Variants in SCFD2 observed in about 807,000 individuals in gnomAD.
SCFD2 encodes the protein sec1 family domain-containing protein 2.
Under a neutral mutation model 58.9 loss-of-function variants are expected in SCFD2, and 54 were observed. The observed-to-expected ratio is 0.92, with a 90% CI of 0.74 to 1.15. SCFD2 has a LOEUF of 1.15. Among genes scored for constraint, SCFD2 ranks in the 50% most tolerant of loss-of-function variants. The probability of loss-of-function intolerance (pLI) is 0.00; values close to 1 mark genes in which losing one functional copy is unlikely to be tolerated. For missense variants in SCFD2, 805 were observed against 836.6 expected (o/e 0.96, Z 0.47); for synonymous variants, 321 against 335.9 (o/e 0.96, Z 0.49).
intron 4 of SCFD2, chr4:53,265,316 G>A (rs1463055223): frequency 6.6e-6 from 1 of 151,968 alleles, no homozygotes; most frequent in Non-Finnish European, 1.5e-5. Flanking sequence ...ATCCAATGAG[G>A]ATTATGTTTA....
chr4:52,987,268 G>A (rs571514788), intron 5 of SCFD2, among the ~76,000 whole-genome samples: 10 of 152,196 alleles, frequency 6.6e-5, no homozygotes, highest in South Asian at 2.1e-4. Flanking sequence ...CGCCCGCCTC[G>A]GCCTCCCAAA....
At chr4:52,958,826 G>A (rs991095717) in intron 5 of SCFD2, among the ~76,000 whole-genome samples, 9 of 151,954 alleles carry the variant, frequency 5.9e-5, no homozygotes, top group Admixed American at 1.3e-4. Context: ...AGGTAAATAC[G>A]TTTCAAACAT....
intron 4 of SCFD2, among the ~76,000 whole-genome samples, chr4:53,248,596 C>G (rs1465701491): frequency 2.0e-5 from 3 of 152,222 alleles, no homozygotes; most frequent in Non-Finnish European, 4.4e-5. Flanking sequence ...AGACTGCCTC[C>G]TCAAGTGGGT....
intron 4 of SCFD2, among the ~76,000 whole-genome samples, chr4:53,272,358 C>A (rs1423325324): frequency 6.6e-6 from 1 of 152,086 alleles, no homozygotes; most frequent in East Asian, 1.9e-4. Flanking sequence ...TGGGTATATA[C>A]CCAAAGGATT....
chr4:53,037,796 A>T (rs1356030126), intron 5 of SCFD2, among the ~76,000 whole-genome samples: 1 of 152,140 alleles, frequency 6.6e-6, no homozygotes, highest in Non-Finnish European at 1.5e-5. Context: ...AAAATGTCTA[A>T]TCTCTTTAAA....
chr4:53,297,657 T>G (rs1393844009), intron 3 of SCFD2, among the ~76,000 whole-genome samples: 1 of 152,196 alleles, frequency 6.6e-6, no homozygotes, highest in Non-Finnish European at 1.5e-5. Flanking sequence ...CATTTACATT[T>G]AAGTTTAATA....
At chr4:53,007,539 T>C (rs1320949261) in intron 5 of SCFD2, among the ~76,000 whole-genome samples, 1 of 152,146 alleles carries the variant, frequency 6.6e-6, no homozygotes, top group Non-Finnish European at 1.5e-5. Flanking sequence ...GGAGCTAGAC[T>C]GTCTAGGTTC....
At chr4:53,000,374 C>T (rs924096578) in intron 5 of SCFD2, among the ~76,000 whole-genome samples, 3 of 152,170 alleles carry the variant, frequency 2.0e-5, no homozygotes, top group African/African-American at 7.2e-5. Context: ...AAACTAGATA[C>T]TACAAAATTC....
chr4:53,351,879 A>C (rs1164559464), intron 2 of SCFD2, among the ~76,000 whole-genome samples: 1 of 152,220 alleles, frequency 6.6e-6, no homozygotes, highest in African/African-American at 2.4e-5. Context: ...AAGATTTAAA[A>C]CTATAATACT....
chr4:53,348,054 G>A lies in SCFD2; in HGVS notation c.1007+4544C>T, dbSNP rs1307921882. Among the ~76,000 whole-genome samples the A allele has an allele frequency of 2.6e-5, 4 of 152,324 alleles. No individual in the cohort carries two copies. The East Asian group carries it at 7.7e-4, about 29-fold the overall frequency. On this transcript the variant is annotated intron_variant, in intron 2 of 8. Transcript: ENST00000401642. ...AAAACATAAAAGCAGAAAAGATTCTGCCTACTTCTTGTTGAAATACTCCAC... is the reference window on the plus strand; with the variant it reads ...AAAACATAAAAGCAGAAAAGATTCTACCTACTTCTTGTTGAAATACTCCAC...
At chr4:53,222,303 T>C (rs1367141829) in intron 4 of SCFD2, among the ~76,000 whole-genome samples, 1 of 152,232 alleles carries the variant, frequency 6.6e-6, no homozygotes. Context: ...ACCATCATAG[T>C]ATTTAACCTG....
At chr4:53,229,159 T>C (rs1729336928) in intron 4 of SCFD2, among the ~76,000 whole-genome samples, 1 of 152,190 alleles carries the variant, frequency 6.6e-6, no homozygotes, top group South Asian at 2.1e-4. Context: ...TGCTCATGGC[T>C]AGGAAGAATC....
At chr4:53,118,632 G>A (rs139473804) in intron 5 of SCFD2, among the ~76,000 whole-genome samples, 1 of 152,270 alleles carries the variant, frequency 6.6e-6, no homozygotes, top group African/African-American at 2.4e-5. Flanking sequence ...AGGGTGGGCT[G>A]AGCAGTGATC....
intron 4 of SCFD2, among the ~76,000 whole-genome samples, chr4:53,224,843 TC>T (rs1467139087): frequency 6.6e-6 from 1 of 152,086 alleles, no homozygotes; most frequent in Non-Finnish European, 1.5e-5. Context: ...ATATCTAATC[TC>T]CCTCTACTTT....
intron 4 of SCFD2, among the ~76,000 whole-genome samples, chr4:53,200,454 G>GA (rs1019297854): frequency 2.0e-5 from 3 of 152,068 alleles, no homozygotes; most frequent in African/African-American, 4.8e-5. Context: ...GATTTCAAAT[G>GA]AAAAAAATTG....
chr4:53,235,812 CGTGTGTGCATACATAT>C (rs1458793182), intron 4 of SCFD2, among the ~76,000 whole-genome samples: 4 of 152,058 alleles, frequency 2.6e-5, no homozygotes, highest in Admixed American at 6.6e-5. Flanking sequence ...TGCATACATA[CGTGTGTGCATACATAT>C]GTGTGTATAA....
intron 7 of SCFD2, among the ~76,000 whole-genome samples, chr4:52,899,190 T>G (rs1047646420): frequency 6.6e-6 from 1 of 152,220 alleles, no homozygotes; most frequent in Admixed American, 6.5e-5. Context: ...GATCCTGTCA[T>G]TATGATGTTA....
chr4:53,360,606 GA>G, intron 1 of SCFD2, among the ~76,000 whole-genome samples: 1 of 152,296 alleles, frequency 6.6e-6, no homozygotes, highest in East Asian at 1.9e-4. Context: ...CTAAGCAGGT[GA>G]CCTCACCCTT....
chr4:53,015,771 A>C (rs1722198678), intron 5 of SCFD2, among the ~76,000 whole-genome samples: 1 of 152,216 alleles, frequency 6.6e-6, no homozygotes, highest in Non-Finnish European at 1.5e-5. Context: ...GCAAATTGAT[A>C]AACGGTCTTC....
Sources: allele counts gnomAD v4.1 joint callset (sites outside exome capture counted in the v4.1 genomes callset), GRCh38; gene constraint gnomAD v4.1.1; transcripts MANE v1.5; gene names NCBI Gene and HGNC (gene_info 2026-07-23, HGNC 2026-07-21).